OTOA: variants seen among roughly 807,000 people sequenced by gnomAD.
OTOA encodes otoancorin.
A neutral mutation model predicts 110.8 loss-of-function variants in OTOA; 70 were observed. That is an observed-to-expected ratio of 0.63 (90% CI 0.52 to 0.77). The LOEUF is 0.77. OTOA is among the 30% of genes least tolerant of loss of function. The pLI is 0.00. For missense variants in OTOA, 917 were observed against 1,075.8 expected (o/e 0.85, Z 2.06); for synonymous variants, 373 against 431.5 (o/e 0.86, Z 1.68).
intron 12 of OTOA, among the ~76,000 whole-genome samples, chr16:21,705,643 T>G (rs1042896834): frequency 1.5e-4 from 23 of 151,482 alleles, no homozygotes; most frequent in African/African-American, 5.6e-4. Context: ...GACCCTTGTC[T>G]CTGCAAAAAA....
At chr16:21,671,615 G>GAAAAAAA (rs112474466) in intron 1 of OTOA, among the ~76,000 whole-genome samples, 2 of 138,478 alleles carry the variant, frequency 1.4e-5, no homozygotes, top group African/African-American at 5.3e-5. Flanking sequence ...AAAGAAAAAA[G>GAAAAAAA]AAAAAAAAAA....
At chr16:21,759,975 T>C (rs1433848072) in intron 28 of OTOA, among the ~76,000 whole-genome samples, 1 of 151,800 alleles carries the variant, frequency 6.6e-6, no homozygotes, top group Non-Finnish European at 1.5e-5. Flanking sequence ...AACAGCAGTG[T>C]CAGAAAGTGA....
At chr16:21,721,148 C>G (rs1466972035) in intron 17 of OTOA, among the ~76,000 whole-genome samples, 1 of 151,292 alleles carries the variant, frequency 6.6e-6, no homozygotes, top group East Asian at 1.9e-4. Context: ...CTCCTGACCT[C>G]CAGTGATCCA....
rs768843963 is a variant in OTOA, at chr16:21,697,842, G to A, written c.807G>A (p.Ser269=). Residue 269 remains serine, a synonymous_variant, in exon 10 of 29, where the codon TCG becomes TCA. Coordinates refer to ENST00000646100, the MANE Select transcript of OTOA (RefSeq NM_144672.4). The part of the protein sequence containing the change: ...WVLGRYMVHL[S]FEEITKISPI... Reference sequence around the variant, plus strand: ...TGGGCAGATACATGGTTCACCTATCGTTTGAAGAAATTACGAAAATTAGTC... The same window carrying A: ...TGGGCAGATACATGGTTCACCTATCATTTGAAGAAATTACGAAAATTAGTC... 1.9e-5 allele frequency: 31 copies of A among 1,613,880 alleles called. No homozygotes were observed. The highest frequency in any genetic ancestry group is 5.5e-5 in the South Asian group (5 of 91,080).
At chr16:21,670,847 T>C (rs913780005) in intron 1 of OTOA, among the ~76,000 whole-genome samples, 6 of 152,124 alleles carry the variant, frequency 3.9e-5, no homozygotes, top group African/African-American at 1.4e-4. Context: ...AAATTTACAA[T>C]GAATTGATCT....
rs765994474 is a variant in OTOA at position 21,685,472 on chromosome 16, T to C, written c.399+111T>C. The C allele has an allele frequency of 1.8e-4, 259 of 1,462,816 alleles. 1 individual carries two copies. Among genetic ancestry groups the C allele is most frequent in the Non-Finnish European group, 2.4e-4 (256 of 1,078,516 alleles). The allele number at this position is 1,462,816 out of a possible 1,614,324, so 90.6% of individuals were successfully genotyped here. ...GCCTTGGCACTTCATTGTCTCTTCC[T>C]CTCTCCTTCTGCCTCCTCCAACCCC... On this transcript the variant is annotated intron_variant, in intron 7 of 28. Transcript: ENST00000646100.
At chr16:21,726,727 G>C in intron 19 of OTOA, 69 bp downstream of exon 19, 1 of 1,598,064 alleles carries the variant, frequency 6.3e-7, no homozygotes, top group East Asian at 2.2e-5. Context: ...GCCCTGTGAG[G>C]GATCTGGCTA....
At chr16:21,667,613 A>AT (rs965082947) in intron 1 of OTOA, among the ~76,000 whole-genome samples, 6 of 151,742 alleles carry the variant, frequency 4.0e-5, no homozygotes, top group Non-Finnish European at 7.4e-5. Context: ...AAAAAAAAAA[A>AT]CAATTAAATA....
At chr16:21,716,399 G>A (rs576383272) in intron 14 of OTOA, among the ~76,000 whole-genome samples, 8 of 152,056 alleles carry the variant, frequency 5.3e-5, no homozygotes, top group Non-Finnish European at 1.0e-4. Context: ...GTGAAACCCC[G>A]TCTCTACTAA....
intron 18 of OTOA, among the ~76,000 whole-genome samples, chr16:21,724,863 G>A (rs536645693): frequency 2.4e-4 from 37 of 151,966 alleles, no homozygotes; most frequent in African/African-American, 7.5e-4. Context: ...TGCAACCTCC[G>A]CCACCTGGGT....
At chr16:21,726,764 G>A in intron 19 of OTOA, 106 bp downstream of exon 19, 1 of 1,470,516 alleles carries the variant, frequency 6.8e-7, no homozygotes, top group Non-Finnish European at 9.5e-7. Context: ...GTGATGGCCA[G>A]AAGTCTGACT....
At chr16:21,686,323 C>G (rs941135974) in intron 7 of OTOA, among the ~76,000 whole-genome samples, 21 of 151,110 alleles carry the variant, frequency 1.4e-4, no homozygotes, top group African/African-American at 4.9e-4. Context: ...GGGGCTTGCT[C>G]TGTCATCCAG....
chr16:21,695,273 T>C (rs2141669511), intron 9 of OTOA, among the ~76,000 whole-genome samples: 1 of 137,154 alleles, frequency 7.3e-6, no homozygotes, highest in Admixed American at 7.5e-5. Context: ...GATGTGGTGA[T>C]GTGTGCCTGT....
At chr16:21,675,298 C>T in intron 1 of OTOA, among the ~76,000 whole-genome samples, 1 of 141,232 alleles carries the variant, frequency 7.1e-6, no homozygotes, top group South Asian at 2.4e-4. Context: ...ACAGCCACCA[C>T]ACCTGGCTAT....
chr16:21,759,264 A>G (rs1173788526), intron 28 of OTOA, among the ~76,000 whole-genome samples: 2 of 152,028 alleles, frequency 1.3e-5, no homozygotes, highest in African/African-American at 4.8e-5. Flanking sequence ...TATTCTATGC[A>G]TACACAGCAA....
intron 12 of OTOA, among the ~76,000 whole-genome samples, chr16:21,707,924 G>A (rs1372540363): frequency 1.3e-5 from 2 of 151,582 alleles, no homozygotes; most frequent in East Asian, 3.9e-4. Context: ...CTCCTGAGTA[G>A]CTGGGACTAC....
chr16:21,679,652 G>A (rs1232790159), intron 5 of OTOA, among the ~76,000 whole-genome samples: 2 of 152,030 alleles, frequency 1.3e-5, no homozygotes, highest in African/African-American at 4.8e-5. Context: ...TGATCTGCCG[G>A]CCTCAGCCTC....
intron 22 of OTOA, among the ~76,000 whole-genome samples, chr16:21,736,960 G>A (rs1469247268): frequency 2.6e-5 from 4 of 152,310 alleles, no homozygotes; most frequent in African/African-American, 7.2e-5. Flanking sequence ...GGACCAACAT[G>A]GATTAGTGGT....
At chr16:21,707,685 T>C (rs1597827765) in intron 12 of OTOA, among the ~76,000 whole-genome samples, 2 of 146,374 alleles carry the variant, frequency 1.4e-5, no homozygotes, top group East Asian at 4.2e-4. Context: ...GTCTCTCTCT[T>C]TCTTTCTTCC....
Sources: gnomAD v4.1 joint callset for allele counts (sites outside exome capture counted in the v4.1 genomes callset) on GRCh38, gnomAD v4.1.1 for gene constraint, MANE v1.5 for transcripts, NCBI Gene and HGNC (gene_info 2026-07-23, HGNC 2026-07-21) for gene names.